SYNPR: variants seen among roughly 807,000 people sequenced by gnomAD.
SYNPR encodes the protein synaptoporin.
In SYNPR, 23 loss-of-function variants were observed where a neutral mutation model predicts 32.9. The observed-to-expected ratio is 0.70, with a 90% CI of 0.50 to 0.99. The LOEUF (loss-of-function observed/expected upper bound fraction) is 0.99, where lower values mean the gene tolerates loss of function less well. SYNPR is among the 50% of genes least tolerant of loss of function. The pLI is 0.00. For missense variants in SYNPR, 318 were observed against 349.3 expected (o/e 0.91, Z 0.71); for synonymous variants, 146 against 135.9 (o/e 1.07, Z -0.52).
intron 3 of SYNPR, among the ~76,000 whole-genome samples, chr3:63,271,172 G>C (rs2106909371): frequency 6.6e-6 from 1 of 152,198 alleles, no homozygotes; most frequent in South Asian, 2.1e-4. Context: ...TAAAACTGCA[G>C]TGCAATATAA....
At chr3:63,305,609 A>C (rs2086901644) in intron 2 of SYNPR, among the ~76,000 whole-genome samples, 1 of 151,908 alleles carries the variant, frequency 6.6e-6, no homozygotes, top group African/African-American at 2.4e-5. Flanking sequence ...ATACATATAC[A>C]CTTCGGTCTC....
chr3:63,422,702 C>T (rs537492218), intron 2 of SYNPR, among the ~76,000 whole-genome samples: 4 of 151,846 alleles, frequency 2.6e-5, no homozygotes, highest in South Asian at 2.1e-4. Context: ...AACACAGTGC[C>T]GGGGCAGGAG....
At chr3:63,615,201 C>A (rs780009730) in intron 5 of SYNPR, 23 bp from the exon 6 acceptor site, 4 of 1,608,724 alleles carry the variant, frequency 2.5e-6, no homozygotes, top group Non-Finnish European at 3.4e-6. Context: ...TCTATCAATT[C>A]ATTGGCTTTG....
intron 2 of SYNPR, among the ~76,000 whole-genome samples, chr3:63,254,140 G>C (rs1307240765): frequency 6.6e-6 from 1 of 152,128 alleles, no homozygotes; most frequent in Non-Finnish European, 1.5e-5. Context: ...GACACAGGAA[G>C]GGGAACATCA....
At chr3:63,533,223 G>A (rs926293237) in intron 3 of SYNPR, among the ~76,000 whole-genome samples, 5 of 152,036 alleles carry the variant, frequency 3.3e-5, no homozygotes, top group Admixed American at 6.6e-5. Flanking sequence ...ACTGAAGGAT[G>A]GAAATGAAAG....
At chr3:63,203,381 G>T in the SYNPR span, 1 of 152,222 alleles carries the variant, frequency 6.6e-6, no homozygotes, top group Non-Finnish European at 1.5e-5. Flanking sequence ...GGTCTCCAGT[G>T]GCGTCATCTA....
chr3:63,211,557 T>C, the SYNPR span, among the ~76,000 whole-genome samples: 6 of 152,206 alleles, frequency 3.9e-5, no homozygotes, highest in South Asian at 6.2e-4. Flanking sequence ...CTAGTTTCCA[T>C]CTGCCTCGGT....
At chr3:63,534,017 C>T (rs1394902) in intron 3 of SYNPR, among the ~76,000 whole-genome samples, 33,336 of 152,086 alleles carry the variant, frequency 0.22, 3,723 homozygotes, top group East Asian at 0.32. Context: ...AACACTCTTA[C>T]AGCTAGTAGG....
intron 1 of SYNPR, among the ~76,000 whole-genome samples, chr3:63,238,034 C>T (rs2086212547): frequency 6.6e-6 from 1 of 152,120 alleles, no homozygotes; most frequent in African/African-American, 2.4e-5. Context: ...GGGGAAAAAT[C>T]AGCCAACCTG....
intron 2 of SYNPR, among the ~76,000 whole-genome samples, chr3:63,390,558 C>T (rs928658039): frequency 1.3e-5 from 2 of 152,164 alleles, no homozygotes; most frequent in African/African-American, 4.8e-5. Context: ...CGAAATAGAG[C>T]CCGTTGTGCA....
chr3:63,465,239 G>A (rs1344035389), intron 2 of SYNPR, among the ~76,000 whole-genome samples: 2 of 152,010 alleles, frequency 1.3e-5, no homozygotes, highest in Non-Finnish European at 1.5e-5. Context: ...CTCCCATAAT[G>A]AGGCAGAACT....
chr3:63,445,284 A>G (rs1700254663), intron 2 of SYNPR, among the ~76,000 whole-genome samples: 2 of 152,190 alleles, frequency 1.3e-5, no homozygotes, highest in South Asian at 4.1e-4. Context: ...GTTAGTTTAC[A>G]GAAGTGTTAG....
intron 2 of SYNPR, among the ~76,000 whole-genome samples, chr3:63,306,041 T>C (rs78754564): frequency 0.078 from 11,807 of 152,076 alleles, 622 homozygotes; most frequent in Middle Eastern, 0.14. Context: ...ATGCCACTTC[T>C]CCATCTCCAA....
intron 2 of SYNPR, among the ~76,000 whole-genome samples, chr3:63,304,945 G>A (rs1280128175): frequency 6.6e-6 from 1 of 151,964 alleles, no homozygotes; most frequent in African/African-American, 2.4e-5. Context: ...ATTACTTATA[G>A]AACAGTGGAG....
In SYNPR at chr3:63,401,351, C is replaced by T. The variant is rs117318093; in HGVS notation, c.85-79481C>T. Reference sequence around the variant, plus strand: ...TGAGAGCCATTTAGTTAAGAGCATGCGATTGCTATGGTCAATTAGAAGTAA... The same window carrying T: ...TGAGAGCCATTTAGTTAAGAGCATGTGATTGCTATGGTCAATTAGAAGTAA... On this transcript the variant is annotated intron_variant, in intron 2 of 5. Coordinates refer to ENST00000478300, the MANE Select transcript of SYNPR (RefSeq NM_001130003.2). Among the ~76,000 whole-genome samples the T allele has an allele frequency of 8.5e-4, 130 of 152,112 alleles. No homozygotes were observed. The South Asian group carries it at 0.023, about 27-fold the overall frequency.
intron 2 of SYNPR, among the ~76,000 whole-genome samples, chr3:63,258,788 G>T (rs546278412): frequency 1.3e-5 from 2 of 152,112 alleles, no homozygotes; most frequent in African/African-American, 4.8e-5. Context: ...CCAGGAGCTG[G>T]TTTTTTGAAA....
intron 3 of SYNPR, among the ~76,000 whole-genome samples, chr3:63,484,211 T>C (rs1262579531): frequency 6.6e-6 from 1 of 152,172 alleles, no homozygotes; most frequent in East Asian, 1.9e-4. Context: ...TATCATATTG[T>C]TATAGAAATA....
At chr3:63,248,305 G>A (rs891135883) in intron 1 of SYNPR, among the ~76,000 whole-genome samples, 3 of 152,154 alleles carry the variant, frequency 2.0e-5, no homozygotes, top group South Asian at 2.1e-4. Context: ...TAAATACCTC[G>A]CAGTATTGCC....
At chr3:63,614,351 C>A (rs1486773923) in intron 5 of SYNPR, among the ~76,000 whole-genome samples, 1 of 152,216 alleles carries the variant, frequency 6.6e-6, no homozygotes, top group Non-Finnish European at 1.5e-5. Flanking sequence ...TCTGTTCGGG[C>A]CTCATGCAAT....
Sources: allele counts gnomAD v4.1 joint callset (sites outside exome capture counted in the v4.1 genomes callset), GRCh38; gene constraint gnomAD v4.1.1; transcripts MANE v1.5; gene names NCBI Gene and HGNC (gene_info 2026-07-23, HGNC 2026-07-21).